CNKSR3: variants seen among roughly 807,000 people sequenced by gnomAD.
CNKSR3 encodes the protein connector enhancer of kinase suppressor of ras 3.
In CNKSR3, 36 loss-of-function variants were observed where a neutral mutation model predicts 67.7. The ratio of observed to expected loss-of-function variants is 0.53; its 90% CI spans 0.41 to 0.70. CNKSR3 has a LOEUF of 0.70. Ranked by LOEUF, CNKSR3 falls within the 30% of genes least tolerant of loss-of-function variation. CNKSR3 has a pLI of 0.00. For synonymous variants in CNKSR3, 281 were observed against 271.4 expected (o/e 1.04, Z -0.35); for missense variants, 630 against 695.2 (o/e 0.91, Z 1.05).
In CNKSR3 at chr6:154,421,789, T is replaced by G. The variant is rs181405180; in HGVS notation, c.945+717A>C. 8.8e-3 allele frequency among the ~76,000 whole-genome samples: 1,334 copies of G among 152,212 alleles called. 21 individuals are homozygous for G. Among genetic ancestry groups the G allele is most frequent in the Non-Finnish European group, 9.1e-3 (619 of 68,016 alleles). On this transcript the variant is annotated intron_variant, in intron 9 of 12. Coordinates refer to ENST00000607772, the MANE Select transcript of CNKSR3 (RefSeq NM_173515.4). ...CAACCTCATGTGGTCTCTCCAGGAT[T>G]AGTGTTCAAACTGTATACAGTTATG...
At chr6:154,443,708 C>G (rs907202492) in intron 2 of CNKSR3, among the ~76,000 whole-genome samples, 11 of 152,120 alleles carry the variant, frequency 7.2e-5, no homozygotes. Context: ...AGCGTGATCT[C>G]CTGAGCTTGA....
chr6:154,408,324 A>G (rs62432689), intron 12 of CNKSR3, among the ~76,000 whole-genome samples: 3 of 152,132 alleles, frequency 2.0e-5, no homozygotes, highest in Non-Finnish European at 4.4e-5. Flanking sequence ...CACCTGGCCA[A>G]CTTCTCCCAT....
At chr6:154,479,768 A>T (rs1003002237) in intron 1 of CNKSR3, among the ~76,000 whole-genome samples, 17 of 152,214 alleles carry the variant, frequency 1.1e-4, no homozygotes, top group African/African-American at 3.9e-4. Context: ...GTGAGCTTTT[A>T]ACTTTTTTGT....
At chr6:154,424,236 AAAAAAAAAAAAAG>A (rs1462509439) in intron 7 of CNKSR3, among the ~76,000 whole-genome samples, 1 of 147,374 alleles carries the variant, frequency 6.8e-6, no homozygotes, top group Non-Finnish European at 1.5e-5. Context: ...GTCTCAAAAA[AAAAAAAAAAAAAG>A]AAAAGAAAAA....
intron 10 of CNKSR3, among the ~76,000 whole-genome samples, chr6:154,411,460 A>G (rs1784909356): frequency 1.3e-5 from 2 of 152,132 alleles, no homozygotes; most frequent in Admixed American, 1.3e-4. Flanking sequence ...CAGCCTGACA[A>G]ACAAGGTGAA....
intron 7 of CNKSR3, among the ~76,000 whole-genome samples, chr6:154,426,370 A>ATTTATTTATTTG (rs1785254621): frequency 5.3e-5 from 8 of 151,594 alleles, no homozygotes; most frequent in Admixed American, 5.2e-4. Context: ...TTATTTATTT[A>ATTTATTTATTTG]TTTATTTGAG....
chr6:154,462,140 G>C (rs960545993), intron 1 of CNKSR3, among the ~76,000 whole-genome samples: 2 of 152,154 alleles, frequency 1.3e-5, no homozygotes, highest in African/African-American at 4.8e-5. Flanking sequence ...GCAGGTTTTA[G>C]AATATCCACA....
At chr6:154,450,779 T>C (rs764024949) in intron 1 of CNKSR3, among the ~76,000 whole-genome samples, 1 of 152,160 alleles carries the variant, frequency 6.6e-6, no homozygotes, top group Non-Finnish European at 1.5e-5. Context: ...ATTTGATATA[T>C]GGACACAAGA....
intron 4 of CNKSR3, among the ~76,000 whole-genome samples, chr6:154,437,880 G>A (rs1000545818): frequency 6.6e-6 from 1 of 152,122 alleles, no homozygotes; most frequent in Admixed American, 6.5e-5. Context: ...GAGAATAAGG[G>A]CAGTATATTT....
chr6:154,491,222 C>G (rs1033001156), intron 1 of CNKSR3, among the ~76,000 whole-genome samples: 2 of 152,188 alleles, frequency 1.3e-5, no homozygotes, highest in African/African-American at 2.4e-5. Context: ...ATGAGATACT[C>G]CTCCCTCTGC....
chr6:154,423,020 A>T, intron 7 of CNKSR3, 37 bp from the exon 8 acceptor site: 1 of 1,343,192 alleles, frequency 7.4e-7, no homozygotes, highest in Non-Finnish European at 1.0e-6. Context: ...TAATTCTTTT[A>T]AACCTTCTAT....
chr6:154,431,440 C>CAAAAAAAAAAAAAAAAAAAAAATAAA, intron 5 of CNKSR3, among the ~76,000 whole-genome samples: 1 of 93,564 alleles, frequency 1.1e-5, no homozygotes, highest in Non-Finnish European at 2.4e-5. Flanking sequence ...GAGACTCTGT[C>CAAAAAAAAAAAAAAAAAAAAAATAAA]AAAAAAAAAA....
chr6:154,441,507 T>A, intron 3 of CNKSR3, 128 bp from the exon 4 acceptor site: 3 of 677,014 alleles, frequency 4.4e-6, no homozygotes, highest in Non-Finnish European at 7.7e-6. Flanking sequence ...TGTTTGAGAC[T>A]GTGTCTCACT....
At chr6:154,486,793 C>T (rs1786675968) in intron 1 of CNKSR3, among the ~76,000 whole-genome samples, 1 of 152,128 alleles carries the variant, frequency 6.6e-6, no homozygotes, top group African/African-American at 2.4e-5. Flanking sequence ...TACACCTGGC[C>T]ATCTTTTCTT....
In CNKSR3 at chr6:154,446,900, G is replaced by A. The variant is rs1477418245; in HGVS notation, c.216+3195C>T. ...GCTCACTGCAAGCTCCACCTCCTGG[G>A]TTCACGCCATTCTCCTGCCTCAGCC... is the stretch of plus-strand genomic sequence containing the variant. On this transcript the variant is annotated intron_variant, in intron 2 of 12. Transcript: ENST00000607772. Among the ~76,000 whole-genome samples the A allele has an allele frequency of 2.0e-5, 3 of 150,832 alleles. No individual in the cohort carries two copies. The East Asian group carries it at 5.8e-4, about 29-fold the overall frequency.
chr6:154,463,142 C>T (rs1404322745), intron 1 of CNKSR3, among the ~76,000 whole-genome samples: 6 of 146,052 alleles, frequency 4.1e-5, no homozygotes, highest in Admixed American at 2.8e-4. Context: ...GACGGAGTCT[C>T]GCTCTGTCGC....
intron 12 of CNKSR3, among the ~76,000 whole-genome samples, chr6:154,408,149 C>T (rs577935943): frequency 1.2e-3 from 182 of 152,138 alleles, no homozygotes; most frequent in Non-Finnish European, 2.2e-3. Flanking sequence ...CTCAGCCTCC[C>T]GAATAGCTGA....
rs199966980 is a variant in CNKSR3, at chr6:154,410,444, C to T, written c.1280-12G>A. The T allele has an allele frequency of 2.7e-5, 44 of 1,601,562 alleles. No individual in the cohort carries two copies. Among genetic ancestry groups the T allele is most frequent in the East Asian group, 2.2e-4 (10 of 44,822 alleles). ...AGGCCGTGGCTTGCCTTCAGAGGGA[C>T]GAGAAAGAAGGTGACAAGTTTGATG... On this transcript the variant is annotated splice_polypyrimidine_tract_variant and intron_variant, in intron 11 of 12. Transcript: ENST00000607772.
At chr6:154,473,129 G>A (rs568028466) in intron 1 of CNKSR3, among the ~76,000 whole-genome samples, 1 of 152,298 alleles carries the variant, frequency 6.6e-6, no homozygotes, top group African/African-American at 2.4e-5. Flanking sequence ...CTTATAAAAT[G>A]TAGTAACTTG....
Sources: gnomAD v4.1 joint callset for allele counts (sites outside exome capture counted in the v4.1 genomes callset) on GRCh38, gnomAD v4.1.1 for gene constraint, MANE v1.5 for transcripts, NCBI Gene and HGNC (gene_info 2026-07-23, HGNC 2026-07-21) for gene names.